The following CLEC19A variants were observed in gnomAD, a reference collection of about 807,000 sequenced individuals.
CLEC19A encodes the protein C-type lectin domain family 19 member A.
Under a neutral mutation model 26.1 loss-of-function variants are expected in CLEC19A, and 21 were observed. The ratio of observed to expected loss-of-function variants is 0.80; its 90% CI spans 0.57 to 1.16. CLEC19A has a LOEUF of 1.16. CLEC19A is among the 50% of genes most tolerant of loss of function. CLEC19A has a pLI of 0.00. For missense variants in CLEC19A, 224 were observed against 227.6 expected, an observed-to-expected ratio of 0.98 and a Z score of 0.10; for synonymous variants, 89 against 88.6, an observed-to-expected ratio of 1.00 and a Z score of -0.03.
Position 19,309,044 on chromosome 16 carries a change from C to T in CLEC19A, c.522C>T (p.Phe174=). The T allele has an allele frequency of 6.5e-7, 1 of 1,548,332 alleles. No individual in the cohort carries two copies. Among genetic ancestry groups the T allele is most frequent in the African/African-American group, 1.4e-5 (1 of 73,062 alleles). The change falls in exon 5 of 5, where the codon TTC becomes TTT. Residue 174 remains phenylalanine (F), a synonymous_variant. Transcript: ENST00000636231. ...SWNDNTCSRK[F]PFVCKIPSLT... is the part of the protein sequence containing the mutation. ...ATGATAACACCTGCAGCCGGAAGTT[C>T]CCCTTTGTCTGCAAAATCCCATCTC...
chr16:19,288,258 G>A (rs954977182), intron 1 of CLEC19A, among the ~76,000 whole-genome samples: 1 of 152,136 alleles, frequency 6.6e-6, no homozygotes, highest in Non-Finnish European at 1.5e-5. Context: ...CAACACAGAG[G>A]GAATGTGTGT....
At chr16:19,291,359 ACT>A (rs1753172303) in intron 1 of CLEC19A, among the ~76,000 whole-genome samples, 1 of 152,114 alleles carries the variant, frequency 6.6e-6, no homozygotes, top group Non-Finnish European at 1.5e-5. Flanking sequence ...ATGCAGTAGG[ACT>A]CTCTAGGTTT....
intron 1 of CLEC19A, among the ~76,000 whole-genome samples, chr16:19,288,890 A>G (rs1897525617): frequency 6.6e-6 from 1 of 152,204 alleles, no homozygotes; most frequent in Admixed American, 6.5e-5. Flanking sequence ...AAGTCAGGTT[A>G]TGTAGCCTCT....
intron 4 of CLEC19A, among the ~76,000 whole-genome samples, chr16:19,308,531 G>T: frequency 6.6e-6 from 1 of 152,214 alleles, no homozygotes; most frequent in African/African-American, 2.4e-5. Flanking sequence ...TTAAGAAATA[G>T]AAACAATATT....
chr16:19,309,143 T>G lies in CLEC19A; in HGVS notation c.*60T>G. 7.9e-7 allele frequency: 1 copy of G among 1,273,696 alleles called. No individual in the cohort carries two copies. Among genetic ancestry groups the G allele is most frequent in the Non-Finnish European group, 1.1e-6 (1 of 898,184 alleles). 78.9% of individuals were successfully genotyped at this position (1,273,696 alleles called of 1,614,324 possible). ...AGTATCATCTTGTAGCTGTAACCAG[T>G]GTAGAATTGACATTGAATACATGTA... On this transcript the variant is annotated 3_prime_UTR_variant, in exon 5 of 5. Coordinates refer to ENST00000636231, the MANE Select transcript of CLEC19A (RefSeq NM_001256720.2).
intron 3 of CLEC19A, among the ~76,000 whole-genome samples, chr16:19,307,326 C>T (rs1897978628): frequency 6.6e-6 from 1 of 152,200 alleles, no homozygotes. Flanking sequence ...CCTGGCATGG[C>T]ACATAATAAG....
intron 1 of CLEC19A, among the ~76,000 whole-genome samples, chr16:19,294,013 C>T (rs1266646582): frequency 4.6e-5 from 7 of 151,992 alleles, no homozygotes; most frequent in Non-Finnish European, 1.0e-4. Flanking sequence ...TCTGTCTAAC[C>T]ATATTTTTGT....
intron 4 of CLEC19A, among the ~76,000 whole-genome samples, 173 bp downstream of exon 4, chr16:19,307,850 C>T (rs1404872982): frequency 3.3e-5 from 5 of 152,072 alleles, no homozygotes; most frequent in Admixed American, 1.3e-4. Flanking sequence ...CATGGCCATT[C>T]GCCACAATGG....
intron 2 of CLEC19A, among the ~76,000 whole-genome samples, chr16:19,301,736 G>GGTTTT (rs1897829210): frequency 1.2e-5 from 1 of 81,498 alleles, no homozygotes; most frequent in Non-Finnish European, 2.3e-5. Context: ...GGTTTTTTTG[G>GGTTTT]TTTTTTTTTT....
At chr16:19,294,797 T>A (rs10852225) in intron 1 of CLEC19A, among the ~76,000 whole-genome samples, 39,600 of 152,074 alleles carry the variant, frequency 0.26, 5,412 homozygotes, top group East Asian at 0.4. Context: ...GGGGGCTGTG[T>A]CTTAATTTTT....
At chr16:19,298,938 A>G (rs1366788790) in intron 2 of CLEC19A, 100 bp downstream of exon 2, 4 of 1,286,646 alleles carry the variant, frequency 3.1e-6, no homozygotes, top group Non-Finnish European at 4.2e-6. Context: ...TTGGTAATTG[A>G]AACTATTTGA....
chr16:19,296,867 C>A (rs1897715130), intron 1 of CLEC19A, among the ~76,000 whole-genome samples: 1 of 152,128 alleles, frequency 6.6e-6, no homozygotes, highest in African/African-American at 2.4e-5. Context: ...AAAGGGACCC[C>A]AATGATCATC....
chr16:19,291,394 AAT>A (rs1267354988), intron 1 of CLEC19A, among the ~76,000 whole-genome samples: 1 of 152,210 alleles, frequency 6.6e-6, no homozygotes, highest in Non-Finnish European at 1.5e-5. Flanking sequence ...GCTGGCTTCA[AAT>A]CCCAGCTGGG....
intron 1 of CLEC19A, among the ~76,000 whole-genome samples, chr16:19,295,105 G>C (rs1897677972): frequency 6.6e-6 from 1 of 152,130 alleles, no homozygotes; most frequent in Non-Finnish European, 1.5e-5. Flanking sequence ...CTGGCAAGGG[G>C]CGGCGATAAA....
At chr16:19,293,068 G>C (rs960946347) in intron 1 of CLEC19A, among the ~76,000 whole-genome samples, 7 of 152,194 alleles carry the variant, frequency 4.6e-5, no homozygotes, top group African/African-American at 1.4e-4. Flanking sequence ...GACTGAATTA[G>C]AGACGTGTTT....
At chr16:19,290,778 A>G (rs1267684945) in intron 1 of CLEC19A, among the ~76,000 whole-genome samples, 1 of 152,228 alleles carries the variant, frequency 6.6e-6, no homozygotes, top group Non-Finnish European at 1.5e-5. Flanking sequence ...TTTTGCTGGC[A>G]TGATACACAT....
At chr16:19,291,938 C>T (rs966100765) in intron 1 of CLEC19A, among the ~76,000 whole-genome samples, 2 of 152,092 alleles carry the variant, frequency 1.3e-5, no homozygotes, top group African/African-American at 4.8e-5. Flanking sequence ...GTGGAGAAAA[C>T]CTAAAGGACC....
rs953712845 is a variant in CLEC19A, at chr16:19,309,293, T to G, written c.*210T>G. On this transcript the variant is annotated 3_prime_UTR_variant, in exon 5 of 5. Transcript: ENST00000636231. ...CAAATTGGCTTAATTTTTTAAAGTG[T>G]TTTTTTTTTTAAATTGACCCAAGTA... The G allele has an allele frequency of 4.3e-5, 15 of 347,424 alleles. No homozygotes were observed. The highest frequency in any genetic ancestry group is 3.4e-4 in the African/African-American group (15 of 43,894). The allele number at this position is 347,424 out of a possible 1,614,324, so 21.5% of individuals were successfully genotyped here.
Position 19,307,569 on chromosome 16 carries a change from G to A in CLEC19A, c.373G>A (p.Gly125Ser). 2 of 1,548,240 alleles carry A rather than the reference G, an allele frequency of 1.3e-6. No individual in the cohort carries two copies. Among genetic ancestry groups the A allele is most frequent in the African/African-American group, 2.7e-5 (2 of 73,068 alleles). The change falls in exon 4 of 5, where the codon GGC (glycine) becomes AGC (serine). Residue 125 changes from glycine to serine, a missense_variant. By Grantham distance (56) the Gly-to-Ser change is moderately conservative. Transcript: ENST00000636231. ...RQEGQFEWTD[G>S]SSYDYSYWDG... is the part of the protein sequence containing the mutation. ...GGAAGGGCAGTTTGAATGGACTGAT[G>A]GCTCATCCTATGACTACAGCTACTG...
Sources: gnomAD v4.1 joint callset for allele counts (sites outside exome capture counted in the v4.1 genomes callset) on GRCh38, gnomAD v4.1.1 for gene constraint, MANE v1.5 for transcripts, NCBI Gene and HGNC (gene_info 2026-07-23, HGNC 2026-07-21) for gene names.